TTC12: variants seen among roughly 807,000 people sequenced by gnomAD.
TTC12 encodes tetratricopeptide repeat domain 12.
A neutral mutation model predicts 90.1 loss-of-function variants in TTC12; 70 were observed. The ratio of observed to expected loss-of-function variants is 0.78; its 90% CI spans 0.64 to 0.95. The LOEUF is 0.95. Among genes scored for constraint, TTC12 ranks in the 40% least tolerant of loss-of-function variants. The pLI is 0.00. For missense variants in TTC12, 819 were observed against 846.1 expected (o/e 0.97, Z 0.40); for synonymous variants, 296 against 311.5 (o/e 0.95, Z 0.53).
chr11:113,330,269 A>G (rs1275190168), intron 7 of TTC12, among the ~76,000 whole-genome samples: 2 of 152,210 alleles, frequency 1.3e-5, no homozygotes. Flanking sequence ...TCTATGTGGT[A>G]GTGGAAATGC....
chr11:113,350,084 C>T lies in TTC12; in HGVS notation c.1166C>T (p.Ala389Val), dbSNP rs200804225. 75 of 1,613,552 alleles carry T rather than the reference C, an allele frequency of 4.6e-5. No individual in the cohort carries two copies. Among genetic ancestry groups the T allele is most frequent in the East Asian group, 2.7e-4 (12 of 44,880 alleles). The stretch of plus-strand genomic sequence containing the variant: ...ATGGTTTTTTGCAGATTATTGGAAG[C>T]GCTGGTGTCATTTCTTGATTTCTCG... ...NHLDLTRLLE[A>V]LVSFLDFSDK... Residue 389 changes from alanine (A) to valine (V), a missense_variant, in exon 14 of 22, where the codon GCG (alanine) becomes GTG (valine). By Grantham distance (64) the Ala-to-Val change is moderately conservative. Coordinates refer to ENST00000529221, the MANE Select transcript of TTC12 (RefSeq NM_017868.4).
intron 6 of TTC12, 173 bp downstream of exon 6, chr11:113,325,818 G>A (rs1555140891): frequency 4.0e-6 from 3 of 751,218 alleles, no homozygotes; most frequent in Non-Finnish European, 4.1e-6. Context: ...TTTCCATGAT[G>A]CAAATATTCT....
chr11:113,328,042 A>G (rs994843098), intron 6 of TTC12, among the ~76,000 whole-genome samples: 3 of 152,172 alleles, frequency 2.0e-5, no homozygotes, highest in Non-Finnish European at 4.4e-5. Context: ...TTGTCCATGT[A>G]AGTATCTCAT....
At chr11:113,368,431 C>T (rs1418696147), downstream of TTC12, 14 of 1,550,376 alleles carry the variant, frequency 9.0e-6, no homozygotes, top group Middle Eastern at 1.7e-4. Context: ...CCAGGAGCCC[C>T]GACACCACCC....
In TTC12 at chr11:113,339,422, C is replaced by A; in HGVS notation, c.774C>A (p.Ile258=). ...LLETLSKPDQ[I]PLFYAGGIEI... ...AGACCCTTTCCAAGCCTGACCAGAT[C>A]CCCTTGTTCTATGCTGGGGGGATTG... The change falls in exon 10 of 22, where the codon ATC becomes ATA. Residue 258 remains isoleucine, a synonymous_variant. Transcript: ENST00000529221. The A allele has an allele frequency of 1.9e-6, 3 of 1,613,688 alleles. No homozygotes were observed. Among genetic ancestry groups the A allele is most frequent in the Non-Finnish European group, 2.5e-6 (3 of 1,179,894 alleles).
chr11:113,321,156 A>T (rs536796245), intron 2 of TTC12, among the ~76,000 whole-genome samples: 1 of 152,244 alleles, frequency 6.6e-6, no homozygotes, highest in Admixed American at 6.5e-5. Context: ...GCTCAATTCC[A>T]ATCAAATTCA....
intron 2 of TTC12, among the ~76,000 whole-genome samples, chr11:113,319,453 A>T (rs1396720265): frequency 3.3e-5 from 5 of 152,064 alleles, no homozygotes; most frequent in East Asian, 1.9e-4. Flanking sequence ...GAGTTAATTT[A>T]AAAAAAAGTT....
chr11:113,324,955 A>G (rs1399448181), intron 5 of TTC12, among the ~76,000 whole-genome samples: 3 of 152,148 alleles, frequency 2.0e-5, no homozygotes, highest in Non-Finnish European at 4.4e-5. Context: ...ATTGTACTAA[A>G]CAATGCTCAG....
chr11:113,350,925 C>T (rs1385638339), intron 14 of TTC12, among the ~76,000 whole-genome samples: 1 of 152,206 alleles, frequency 6.6e-6, no homozygotes, highest in African/African-American at 2.4e-5. Context: ...CGCACACACA[C>T]GCTGTAGACT....
intron 11 of TTC12, 66 bp from the exon 12 acceptor site, chr11:113,341,771 C>G: frequency 7.6e-7 from 1 of 1,319,168 alleles, no homozygotes; most frequent in Non-Finnish European, 1.1e-6. Context: ...GAAATAAAAC[C>G]AAATGGAAAA....
intron 19 of TTC12, among the ~76,000 whole-genome samples, chr11:113,363,024 C>T (rs980999978): frequency 2.2e-4 from 34 of 152,170 alleles, no homozygotes; most frequent in African/African-American, 7.2e-4. Flanking sequence ...CCTGCAAGGG[C>T]GAAGGGGATT....
At chr11:113,357,214 T>C (rs1397436687) in intron 16 of TTC12, among the ~76,000 whole-genome samples, 1 of 152,200 alleles carries the variant, frequency 6.6e-6, no homozygotes, top group Non-Finnish European at 1.5e-5. Flanking sequence ...GATGGGTCTA[T>C]TCTGGTATTA....
chr11:113,330,558 C>G (rs10891535), intron 7 of TTC12, among the ~76,000 whole-genome samples: 52,187 of 152,056 alleles, frequency 0.34, 11,123 homozygotes, highest in Non-Finnish European at 0.48. Flanking sequence ...TTAAGAGTTA[C>G]TAAAAGAGAA....
chr11:113,359,558 T>C (rs1365248350), intron 17 of TTC12, 97 bp downstream of exon 17: 4 of 838,696 alleles, frequency 4.8e-6, no homozygotes, highest in South Asian at 3.1e-5. Context: ...GACAGAAGCA[T>C]GTACACTCAC....
chr11:113,356,767 G>T (rs1373774506), intron 16 of TTC12, among the ~76,000 whole-genome samples: 1 of 152,188 alleles, frequency 6.6e-6, no homozygotes, highest in Non-Finnish European at 1.5e-5. Context: ...AGTCTCTTCT[G>T]GGTTGTAGAG....
At chr11:113,333,572 C>CT in intron 7 of TTC12, among the ~76,000 whole-genome samples, 1 of 152,090 alleles carries the variant, frequency 6.6e-6, no homozygotes, top group East Asian at 1.9e-4. Context: ...CCTTGGGCCT[C>CT]TCCAACCCCT....
chr11:113,362,142 TC>T (rs1949971346), intron 18 of TTC12, among the ~76,000 whole-genome samples: 1 of 152,150 alleles, frequency 6.6e-6, no homozygotes, highest in African/African-American at 2.4e-5. Flanking sequence ...AGGGAGAACT[TC>T]CTTTCTCAGA....
chr11:113,360,351 C>T, intron 18 of TTC12, among the ~76,000 whole-genome samples: 1 of 151,952 alleles, frequency 6.6e-6, no homozygotes, highest in East Asian at 1.9e-4. Flanking sequence ...TTCAAAATAT[C>T]CTGTGCAAAT....
intron 1 of TTC12, 49 bp downstream of exon 1, chr11:113,314,667 A>T (rs1299050532): frequency 6.5e-6 from 1 of 153,108 alleles, no homozygotes; most frequent in Non-Finnish European, 1.5e-5. Context: ...CTGGTCCTGC[A>T]CTGGCCTTCA....
Sources: allele counts gnomAD v4.1 joint callset (sites outside exome capture counted in the v4.1 genomes callset), GRCh38; gene constraint gnomAD v4.1.1; transcripts MANE v1.5; gene names NCBI Gene and HGNC (gene_info 2026-07-23, HGNC 2026-07-21).